The following CACNA2D1 variants were observed in gnomAD, a reference collection of about 807,000 sequenced individuals.
CACNA2D1 encodes the protein calcium voltage-gated channel auxiliary subunit alpha2delta 1.
In CACNA2D1, 53 loss-of-function variants were observed where a neutral mutation model predicts 171.5. The ratio of observed to expected loss-of-function variants is 0.31; its 90% confidence interval spans 0.25 to 0.39. The LOEUF is 0.39. CACNA2D1 is among the 10% of genes least tolerant of loss of function. The pLI, the probability that CACNA2D1 is intolerant of heterozygous loss-of-function variation, is 1.00. For missense variants in CACNA2D1, 903 were observed against 1,299.8 expected, an observed-to-expected ratio of 0.69 and a Z score of 4.69; for synonymous variants, 442 against 443.1, an observed-to-expected ratio of 1.00 and a Z score of 0.03.
chr7:82,175,091 T>TA (rs1369013961), intron 3 of CACNA2D1, among the ~76,000 whole-genome samples: 2 of 152,038 alleles, frequency 1.3e-5, no homozygotes, highest in African/African-American at 4.8e-5. Context: ...AACATGTAAG[T>TA]AACTTGCTTC....
chr7:82,165,340 C>T (rs1795335839), intron 4 of CACNA2D1, among the ~76,000 whole-genome samples: 1 of 151,978 alleles, frequency 6.6e-6, no homozygotes, highest in African/African-American at 2.4e-5. Context: ...TTCCACTGTA[C>T]TATCACGTAC....
chr7:82,134,588 A>G (rs1490371171), intron 5 of CACNA2D1, among the ~76,000 whole-genome samples: 1 of 152,196 alleles, frequency 6.6e-6, no homozygotes, highest in East Asian at 1.9e-4. Flanking sequence ...TTTACTATTT[A>G]TAAGGCTTTA....
intron 3 of CACNA2D1, among the ~76,000 whole-genome samples, chr7:82,253,003 T>G (rs1301088686): frequency 6.6e-6 from 1 of 151,938 alleles, no homozygotes; most frequent in Non-Finnish European, 1.5e-5. Context: ...AAAGCCCAAT[T>G]TTAAAGAATG....
intron 14 of CACNA2D1, 71 bp downstream of exon 14, chr7:82,013,390 G>T (rs536989814): frequency 3.4e-6 from 2 of 583,612 alleles, no homozygotes; most frequent in Admixed American, 3.6e-5. Flanking sequence ...TCTCCATATT[G>T]AGCATATTTA....
chr7:82,407,150 T>A (rs1827149062), intron 1 of CACNA2D1, among the ~76,000 whole-genome samples: 1 of 152,204 alleles, frequency 6.6e-6, no homozygotes, highest in Non-Finnish European at 1.5e-5. Context: ...ACAGGTGTCT[T>A]CAACTCTGCT....
At chr7:82,146,653 T>A (rs2129099575) in intron 4 of CACNA2D1, among the ~76,000 whole-genome samples, 1 of 151,080 alleles carries the variant, frequency 6.6e-6, no homozygotes, top group Admixed American at 6.6e-5. Flanking sequence ...CTGAAAGGGC[T>A]GATAAATGAT....
chr7:82,301,060 A>G (rs1286292606), intron 3 of CACNA2D1, among the ~76,000 whole-genome samples: 1 of 152,226 alleles, frequency 6.6e-6, no homozygotes, highest in Non-Finnish European at 1.5e-5. Context: ...AATTTGCATA[A>G]AAGTTGAGAT....
chr7:82,221,225 G>C (rs1326378484), intron 3 of CACNA2D1, among the ~76,000 whole-genome samples: 1 of 152,222 alleles, frequency 6.6e-6, no homozygotes, highest in East Asian at 1.9e-4. Flanking sequence ...TTTGTACTCT[G>C]CCGATCCACT....
chr7:81,947,368 T>C lies in CACNA2D1; in HGVS notation c.*3024A>G, dbSNP rs1290035347. The C allele has an allele frequency of 2.6e-5, 4 of 151,320 alleles. No individual in the cohort carries two copies. The highest frequency in any genetic ancestry group is 6.6e-5 in the Admixed American group (1 of 15,194). 9.4% of individuals were successfully genotyped at this position (151,320 alleles called of 1,614,324 possible). A position where few individuals can be genotyped will look rare whatever the true frequency, so the allele number is the denominator to read the frequency against. ...AAGTTAAGCAGTAACACCTCAAGCATTAGAAACATGAAAAAAGATCATACT... is the reference window on the plus strand; with the variant it reads ...AAGTTAAGCAGTAACACCTCAAGCACTAGAAACATGAAAAAAGATCATACT... On this transcript the variant is annotated 3_prime_UTR_variant, in exon 39 of 39. Transcript: ENST00000356860.
intron 1 of CACNA2D1, among the ~76,000 whole-genome samples, chr7:82,426,938 T>A (rs2129458259): frequency 6.6e-6 from 1 of 152,352 alleles, no homozygotes; most frequent in East Asian, 1.9e-4. Context: ...TTTATTACAG[T>A]GTATTGTTAT....
intron 3 of CACNA2D1, among the ~76,000 whole-genome samples, chr7:82,305,373 G>A (rs768707389): frequency 6.6e-5 from 10 of 152,188 alleles, no homozygotes; most frequent in South Asian, 6.2e-4. Context: ...ACAAATTAAC[G>A]ATAATCCTGA....
At chr7:82,187,674 A>G (rs1479214759) in intron 3 of CACNA2D1, among the ~76,000 whole-genome samples, 2 of 152,210 alleles carry the variant, frequency 1.3e-5, no homozygotes, top group African/African-American at 4.8e-5. Flanking sequence ...AAATCAGTCA[A>G]TGCAGATTTA....
intron 6 of CACNA2D1, among the ~76,000 whole-genome samples, chr7:82,098,976 T>G (rs1211121351): frequency 6.6e-6 from 1 of 152,178 alleles, no homozygotes; most frequent in Non-Finnish European, 1.5e-5. Context: ...AAGAATAAAC[T>G]CAATTTAATT....
At chr7:82,127,755 A>C (rs1790500939) in intron 5 of CACNA2D1, among the ~76,000 whole-genome samples, 1 of 152,198 alleles carries the variant, frequency 6.6e-6, no homozygotes, top group South Asian at 2.1e-4. Flanking sequence ...ATGATCAGGT[A>C]ATTAGCATGA....
rs532638604 is a variant in CACNA2D1 at position 82,192,990 on chromosome 7, AGTTAAACTGGAACT to A, written c.295-22395_295-22382del. 8.7e-3 allele frequency among the ~76,000 whole-genome samples: 1,329 copies of A among 152,038 alleles called. 10 individuals carry two copies. Among genetic ancestry groups the A allele is most frequent in the South Asian group, 0.029 (138 of 4,828 alleles). Reference sequence around the variant, plus strand: ...TTATGAAGGTCGTCTTGAAAGCATCAGTTAAACTGGAACTAGATCCCATTTGTTCTAATTCCCAG... The same window carrying A: ...TTATGAAGGTCGTCTTGAAAGCATCAAGATCCCATTTGTTCTAATTCCCAG... On this transcript the variant is annotated intron_variant, in intron 3 of 38. Transcript: ENST00000356860.
At chr7:82,044,366 ATTAC>A (rs1213531142) in intron 10 of CACNA2D1, among the ~76,000 whole-genome samples, 1 of 152,216 alleles carries the variant, frequency 6.6e-6, no homozygotes, top group East Asian at 1.9e-4. Context: ...TTCAATATTT[ATTAC>A]TTAACATGTC....
chr7:82,354,294 T>A (rs1454314101), intron 1 of CACNA2D1, among the ~76,000 whole-genome samples: 2 of 152,172 alleles, frequency 1.3e-5, no homozygotes, highest in Admixed American at 1.3e-4. Flanking sequence ...ATCTCAGCTG[T>A]GAATCCTGCA....
rs1554548045 is a variant in CACNA2D1, at chr7:82,411,895, T to TCTCTCACACACACACA, written c.95+31469_95+31470insTGTGTGTGTGTGAGAG. 3.5e-5 allele frequency among the ~76,000 whole-genome samples: 5 copies of TCTCTCACACACACACA among 144,886 alleles called. No homozygotes were observed. The East Asian group carries it at 8.2e-4, about 24-fold the overall frequency. On this transcript the variant is annotated intron_variant, in intron 1 of 38. Coordinates refer to ENST00000356860, the MANE Select transcript of CACNA2D1 (RefSeq NM_000722.4). Reference sequence around the variant, plus strand: ...CCTCAAGCCAAACGAAAACTAAATCTCACACACACACACACACACACACAC... The same window carrying TCTCTCACACACACACA: ...CCTCAAGCCAAACGAAAACTAAATCTCTCTCACACACACACACACACACACACACACACACACACAC...
At chr7:82,317,975 T>C (rs1313885118) in intron 3 of CACNA2D1, among the ~76,000 whole-genome samples, 5 of 151,628 alleles carry the variant, frequency 3.3e-5, no homozygotes, top group Non-Finnish European at 7.4e-5. Flanking sequence ...CTTTGCCCTC[T>C]CATATGATGC....
Sources: gnomAD v4.1 joint callset for allele counts (sites outside exome capture counted in the v4.1 genomes callset) on GRCh38, gnomAD v4.1.1 for gene constraint, MANE v1.5 for transcripts, NCBI Gene and HGNC (gene_info 2026-07-23, HGNC 2026-07-21) for gene names.